Variants in BCAS3 observed in about 807,000 individuals in gnomAD.
The protein encoded by BCAS3 is BCAS4/BCAS3 fusion.
BCAS3 carries 53 observed loss-of-function variants against 116.1 expected under a neutral mutation model. The ratio of observed to expected loss-of-function variants is 0.46; its 90% CI spans 0.37 to 0.57. The LOEUF is 0.57. BCAS3 is among the 20% of genes least tolerant of loss of function. The pLI, the probability that BCAS3 is intolerant of heterozygous loss-of-function variation, is 0.00. For synonymous variants in BCAS3, 391 were observed against 408.2 expected (o/e 0.96, Z 0.51); for missense variants, 917 against 1,165.4 (o/e 0.79, Z 3.10).
At chr17:60,782,633 T>G (rs1452878086) in intron 6 of BCAS3, among the ~76,000 whole-genome samples, 3 of 151,308 alleles carry the variant, frequency 2.0e-5, no homozygotes, top group African/African-American at 7.3e-5. Context: ...GTCGCCAGAC[T>G]GGAGTGCAGT....
chr17:61,351,439 T>A (rs2057838685), intron 22 of BCAS3, among the ~76,000 whole-genome samples: 1 of 152,220 alleles, frequency 6.6e-6, no homozygotes, highest in Non-Finnish European at 1.5e-5. Context: ...ACATTCAGAT[T>A]CCACGTTCGA....
At position 61,087,998 on chromosome 17, in the gene BCAS3, A is replaced by G. The variant is rs1335556136; in HGVS notation, c.2425+3434A>G. On this transcript the variant is annotated intron_variant, in intron 22 of 23. Transcript: ENST00000407086. This position sits in a 1 kb window ranked among gnomAD's most constrained non-coding sequence, Gnocchi z 4.6. ...GGTGTTTGAGACCAGCCTGGCTAACATGGCAAAACCCCGTCCCTAATAAAA... is the reference window on the plus strand; with the variant it reads ...GGTGTTTGAGACCAGCCTGGCTAACGTGGCAAAACCCCGTCCCTAATAAAA... Among the ~76,000 whole-genome samples the G allele has an allele frequency of 6.6e-6, 1 of 152,136 alleles. No homozygotes were observed. The highest frequency in any genetic ancestry group is 2.4e-5 in the African/African-American group (1 of 41,410).
intron 5 of BCAS3, among the ~76,000 whole-genome samples, chr17:60,734,222 T>C (rs1295646163): frequency 4.6e-5 from 7 of 152,228 alleles, no homozygotes; most frequent in Admixed American, 4.6e-4. Context: ...CTTTAAACTC[T>C]GGGCTCAAGT....
intron 19 of BCAS3, among the ~76,000 whole-genome samples, chr17:61,067,275 A>G (rs896910353): frequency 0.032 from 1,369 of 42,380 alleles, 6 homozygotes; most frequent in African/African-American, 0.067. Context: ...GTGTATGTGT[A>G]TATATATATA....
At chr17:60,880,330 C>T (rs187719843) in intron 9 of BCAS3, among the ~76,000 whole-genome samples, 24 of 152,002 alleles carry the variant, frequency 1.6e-4, no homozygotes, top group Admixed American at 9.8e-4. Flanking sequence ...CGCTCTGTCG[C>T]CAGGCTGGAG....
At chr17:60,966,894 A>G (rs1020572504) in intron 14 of BCAS3, among the ~76,000 whole-genome samples, 1 of 152,148 alleles carries the variant, frequency 6.6e-6, no homozygotes, top group East Asian at 1.9e-4. Context: ...ACCTCAAATG[A>G]TCTGCCCTCT....
intron 13 of BCAS3, among the ~76,000 whole-genome samples, chr17:60,934,463 CAT>C (rs1490147223): frequency 6.6e-6 from 1 of 152,106 alleles, no homozygotes; most frequent in Non-Finnish European, 1.5e-5. Context: ...ATAATATAAA[CAT>C]AGTATTTAAT....
intron 7 of BCAS3, among the ~76,000 whole-genome samples, chr17:60,846,630 T>C (rs926435448): frequency 6.6e-6 from 1 of 152,182 alleles, no homozygotes; most frequent in Non-Finnish European, 1.5e-5. Flanking sequence ...GTTCAATATA[T>C]ATACATTTAG....
chr17:61,351,599 G>A (rs369830379), intron 22 of BCAS3, among the ~76,000 whole-genome samples: 43 of 152,312 alleles, frequency 2.8e-4, no homozygotes, highest in South Asian at 8.3e-4. Context: ...ACAAGGTCAC[G>A]TCGTTAGGAC....
rs1174723529 is a variant in BCAS3 at position 60,752,477 on chromosome 17, G to A, written c.403+5198G>A. ...CTCACTCTGTCGCCCAGGCTGGAGTGCAGTGGCGCGATCTTGGCTCACTGC... is the reference window on the plus strand; with the variant it reads ...CTCACTCTGTCGCCCAGGCTGGAGTACAGTGGCGCGATCTTGGCTCACTGC... On this transcript the variant is annotated intron_variant, in intron 6 of 23. Coordinates refer to ENST00000407086, the MANE Select transcript of BCAS3 (RefSeq NM_017679.5). Among the ~76,000 whole-genome samples, 3 of 151,380 alleles carry A rather than the reference G, an allele frequency of 2.0e-5. No individual in the cohort carries two copies. The East Asian group carries it at 5.9e-4, about 30-fold the overall frequency.
chr17:61,152,729 T>A (rs1305599908), intron 22 of BCAS3, among the ~76,000 whole-genome samples: 1 of 151,578 alleles, frequency 6.6e-6, no homozygotes, highest in Non-Finnish European at 1.5e-5. Context: ...AAAAAAAAAA[T>A]ACCCCAATAC....
chr17:61,011,347 G>T (rs1435689939), intron 15 of BCAS3, among the ~76,000 whole-genome samples: 1 of 152,038 alleles, frequency 6.6e-6, no homozygotes, highest in Non-Finnish European at 1.5e-5. Flanking sequence ...ATACGAAGAG[G>T]CTTGAGGTTT....
intron 5 of BCAS3, among the ~76,000 whole-genome samples, chr17:60,734,527 T>A (rs2040776742): frequency 6.6e-6 from 1 of 152,244 alleles, no homozygotes; most frequent in African/African-American, 2.4e-5. Context: ...GGTCTGTGTC[T>A]ACATTCATTT....
At chr17:60,800,230 G>A (rs2047650869) in intron 6 of BCAS3, among the ~76,000 whole-genome samples, 1 of 152,118 alleles carries the variant, frequency 6.6e-6, no homozygotes. Context: ...ATTTCCACTA[G>A]CAATGTATGA....
At position 61,083,787 on chromosome 17, in the gene BCAS3, G is replaced by GTTAGCTTCACCGTGTTA. The variant is rs1322829908; in HGVS notation, c.2328-680_2328-679insTTAGCTTCACCGTGTTA. ...ATTTTTGCATTTTTAGTAGAGACGG[G>GTTAGCTTCACCGTGTTA]GCTTCACCGTGTTAGCCAGGATGGA... On this transcript the variant is annotated intron_variant, in intron 21 of 23. Coordinates refer to ENST00000407086, the MANE Select transcript of BCAS3 (RefSeq NM_017679.5). The surrounding 1 kb of genome is among the most constrained non-coding windows in gnomAD (Gnocchi z 4.9). Among the ~76,000 whole-genome samples the GTTAGCTTCACCGTGTTA allele has an allele frequency of 5.9e-5, 9 of 151,892 alleles. No individual in the cohort carries two copies. Among genetic ancestry groups the GTTAGCTTCACCGTGTTA allele is most frequent in the African/African-American group, 2.2e-4 (9 of 41,452 alleles).
At chr17:60,689,520 TAATATTCTTTGGGGGTAATAATGTTCTAA>T (rs1349292635) in intron 3 of BCAS3, among the ~76,000 whole-genome samples, 137 bp from the exon 4 acceptor site, 8 of 152,234 alleles carry the variant, frequency 5.3e-5, no homozygotes, top group African/African-American at 2.4e-5. Flanking sequence ...GACTCATGGA[TAATATTCTTTGGGGGTAATAATGTTCTAA>T]AATATTCTAG....
chr17:61,134,338 C>T lies in BCAS3; in HGVS notation c.2425+49774C>T, dbSNP rs546177519. Among the ~76,000 whole-genome samples the T allele has an allele frequency of 5.3e-5, 8 of 152,248 alleles. No individual in the cohort carries two copies. The South Asian group carries it at 1.0e-3, about 20-fold the overall frequency. On this transcript the variant is annotated intron_variant, in intron 22 of 23. Coordinates refer to ENST00000407086, the MANE Select transcript of BCAS3 (RefSeq NM_017679.5). The surrounding 1 kb of genome is among the most constrained non-coding windows in gnomAD (Gnocchi z 4.6). ...TTATGAGCATTGTCTCATTTTTCAT[C>T]GTTTTATAAATTAGGAAATTGAGGT...
chr17:60,806,440 A>G (rs1395182503), intron 6 of BCAS3, among the ~76,000 whole-genome samples: 2 of 152,104 alleles, frequency 1.3e-5, no homozygotes, highest in Admixed American at 6.6e-5. Flanking sequence ...CAAATAATCA[A>G]TATGCCAAAG....
At chr17:60,850,037 C>T (rs955292419) in intron 7 of BCAS3, among the ~76,000 whole-genome samples, 1 of 152,218 alleles carries the variant, frequency 6.6e-6, no homozygotes, top group African/African-American at 2.4e-5. Context: ...GGATTAGAGA[C>T]GGAACCCACT....
Sources: gnomAD v4.1 joint callset for allele counts (sites outside exome capture counted in the v4.1 genomes callset) on GRCh38, gnomAD v4.1.1 for gene constraint, Gnocchi (gnomAD v3.1) non-coding constraint, MANE v1.5 for transcripts, NCBI Gene and HGNC (gene_info 2026-07-23, HGNC 2026-07-21) for gene names.